The following ATP11A variants were observed in gnomAD, a reference collection of about 807,000 sequenced individuals.
ATP11A encodes the protein phospholipid-transporting ATPase IH.
In ATP11A, 81 loss-of-function variants were observed where a neutral mutation model predicts 154.4. The observed-to-expected ratio is 0.52, with a 90% CI of 0.44 to 0.63. The LOEUF (loss-of-function observed/expected upper bound fraction) is 0.63, where lower values mean the gene tolerates loss of function less well. Ranked by LOEUF, ATP11A falls within the 30% of genes least tolerant of loss-of-function variation. ATP11A has a pLI of 0.00. For missense variants in ATP11A, 1,316 were observed against 1,474.3 expected (o/e 0.89, Z 1.76); for synonymous variants, 623 against 585.9 (o/e 1.06, Z -0.91).
At position 112,821,418 on chromosome 13, in the gene ATP11A, A is replaced by G. The variant is rs1377376504; in HGVS notation, c.725+1468A>G. ...AGCCTCCACCTCCCGGGTTCAAGCA[A>G]TTCTCCTGCCTCAGCTTCCTGAGTA... On this transcript the variant is annotated intron_variant, in intron 8 of 29. Transcript: ENST00000375645. Among the ~76,000 whole-genome samples the G allele has an allele frequency of 2.6e-5, 4 of 152,110 alleles. No individual in the cohort carries two copies. In the East Asian group the frequency reaches 7.7e-4, roughly 29 times the overall value.
At chr13:112,805,182 T>A in intron 3 of ATP11A, 136 bp downstream of exon 3, 1 of 620,486 alleles carries the variant, frequency 1.6e-6, no homozygotes. Flanking sequence ...TTATTTATTT[T>A]CTTAAGGAAG....
At chr13:112,751,678 CA>C (rs897726447) in intron 1 of ATP11A, among the ~76,000 whole-genome samples, 32 of 144,510 alleles carry the variant, frequency 2.2e-4, no homozygotes, top group South Asian at 6.8e-4. Flanking sequence ...CAAAACAAAA[CA>C]AAAAAAAAAA....
chr13:112,848,847 C>T lies in ATP11A; in HGVS notation c.1810-2190C>T, dbSNP rs2079681735. ...GGATTATAGGCATGCACCACCACGC[C>T]TGGCTAATTTTTGTATTTTTAGTAG... On this transcript the variant is annotated intron_variant, in intron 17 of 29. Transcript: ENST00000375645. 2.0e-5 allele frequency among the ~76,000 whole-genome samples: 3 copies of T among 152,204 alleles called. No homozygotes were observed. In the South Asian group the frequency reaches 6.2e-4, roughly 31 times the overall value.
In ATP11A at chr13:112,785,396, C is replaced by G. The variant is rs927505867; in HGVS notation, c.162+139C>G. ...CACCAGCCACCCCCAGCAAGGGCTTCGGATCAGGACCTCACCGAGGGCGCT... is the reference window on the plus strand; with the variant it reads ...CACCAGCCACCCCCAGCAAGGGCTTGGGATCAGGACCTCACCGAGGGCGCT... On this transcript the variant is annotated intron_variant, in intron 2 of 29. Transcript: ENST00000375645. The surrounding 1 kb of genome is among the most constrained non-coding windows in gnomAD (Gnocchi z 4.8). 7 of 1,032,160 alleles carry G rather than the reference C, an allele frequency of 6.8e-6. No homozygotes were observed. The highest frequency in any genetic ancestry group is 9.0e-6 in the Non-Finnish European group (7 of 779,524). The allele number at this position is 1,032,160 out of a possible 1,614,324, so 63.9% of individuals were successfully genotyped here.
intron 1 of ATP11A, among the ~76,000 whole-genome samples, chr13:112,767,802 G>A (rs424600): frequency 0.45 from 67,802 of 151,970 alleles, 15,283 homozygotes; most frequent in Middle Eastern, 0.52. Flanking sequence ...GCGTGAGTGC[G>A]TCTGTGGTGG....
intron 17 of ATP11A, 88 bp downstream of exon 17, chr13:112,842,467 A>T: frequency 1.0e-6 from 1 of 999,040 alleles, no homozygotes; most frequent in Non-Finnish European, 1.5e-6. Flanking sequence ...CCTGGCTGGG[A>T]ATGGCGTATT....
rs560078988 is a variant in ATP11A at position 112,840,782 on chromosome 13, C to A, written c.1706-1494C>A. On this transcript the variant is annotated intron_variant, in intron 16 of 29. Coordinates refer to ENST00000375645, the MANE Select transcript of ATP11A (RefSeq NM_015205.3). Reference sequence around the variant, plus strand: ...CATCCAGGAAGGAAGGCAAGGCGGACCCCTGTTCCTACTCCTGAGTCCTCG... The same window carrying A: ...CATCCAGGAAGGAAGGCAAGGCGGAACCCTGTTCCTACTCCTGAGTCCTCG... Among the ~76,000 whole-genome samples, 191 of 152,124 alleles carry A rather than the reference C, an allele frequency of 1.3e-3. 1 individual carries two copies. Among genetic ancestry groups the A allele is most frequent in the African/African-American group, 4.0e-3 (167 of 41,518 alleles).
At chr13:112,798,100 G>A (rs1398685403) in intron 2 of ATP11A, among the ~76,000 whole-genome samples, 2 of 152,062 alleles carry the variant, frequency 1.3e-5, no homozygotes, top group Non-Finnish European at 2.9e-5. Flanking sequence ...TCCCTCTGCC[G>A]AGCCCTTTTA....
chr13:112,707,247 C>T (rs1243097885), intron 1 of ATP11A, among the ~76,000 whole-genome samples: 1 of 152,018 alleles, frequency 6.6e-6, no homozygotes, highest in Non-Finnish European at 1.5e-5. Flanking sequence ...GAAACCTTGT[C>T]TCTACCAAAA....
intron 1 of ATP11A, among the ~76,000 whole-genome samples, chr13:112,755,182 A>G (rs915558004): frequency 1.3e-5 from 2 of 152,208 alleles, no homozygotes; most frequent in East Asian, 1.9e-4. Context: ...TTAAGGACGT[A>G]AAAGCATTCT....
At chr13:112,706,669 A>C (rs528800563) in intron 1 of ATP11A, among the ~76,000 whole-genome samples, 5 of 152,242 alleles carry the variant, frequency 3.3e-5, no homozygotes, top group African/African-American at 1.2e-4. Context: ...GTGAAAAACA[A>C]TTCCTGTTAT....
At chr13:112,735,151 AC>A (rs1441562385) in intron 1 of ATP11A, among the ~76,000 whole-genome samples, 23 of 152,190 alleles carry the variant, frequency 1.5e-4, no homozygotes, top group Admixed American at 1.3e-3. Context: ...AATAAAAGGC[AC>A]TCCATAGATA....
At chr13:112,751,876 C>T (rs1333261387) in intron 1 of ATP11A, among the ~76,000 whole-genome samples, 3 of 152,118 alleles carry the variant, frequency 2.0e-5, no homozygotes, top group Non-Finnish European at 4.4e-5. Context: ...TGTGACTGGC[C>T]TCCCAGTTTT....
At chr13:112,851,421 A>G (rs1488768143) in intron 18 of ATP11A, 4 of 466,786 alleles carry the variant, frequency 8.6e-6, no homozygotes, top group Non-Finnish European at 3.8e-6. Flanking sequence ...TTTGTTGTCC[A>G]TGAAGAAGAT....
chr13:112,707,611 G>A (rs913232103), intron 1 of ATP11A, among the ~76,000 whole-genome samples: 2 of 152,062 alleles, frequency 1.3e-5, no homozygotes, highest in East Asian at 1.9e-4. Flanking sequence ...GGCATTTGAC[G>A]CAAATTAAAA....
intron 1 of ATP11A, among the ~76,000 whole-genome samples, chr13:112,747,810 G>A (rs550992688): frequency 3.9e-5 from 6 of 151,904 alleles, no homozygotes; most frequent in South Asian, 4.2e-4. Flanking sequence ...CACTCCATTC[G>A]GACGGACAGA....
intron 1 of ATP11A, among the ~76,000 whole-genome samples, chr13:112,717,969 C>T (rs1452729931): frequency 1.1e-4 from 16 of 152,258 alleles, no homozygotes; most frequent in African/African-American, 1.7e-4. Flanking sequence ...CCCAGCTACT[C>T]GGGAGCCGAG....
chr13:112,853,535 A>G (rs2079836685), intron 18 of ATP11A, among the ~76,000 whole-genome samples: 1 of 152,230 alleles, frequency 6.6e-6, no homozygotes, highest in Admixed American at 6.5e-5. Flanking sequence ...TGAGGCAGAC[A>G]TGGTTTGACC....
intron 17 of ATP11A, among the ~76,000 whole-genome samples, chr13:112,848,514 G>A (rs889599589): frequency 6.6e-6 from 1 of 152,086 alleles, no homozygotes; most frequent in African/African-American, 2.4e-5. Context: ...CCTTAGAAAG[G>A]CATCCTTTCT....
Sources: gnomAD v4.1 joint callset for allele counts (sites outside exome capture counted in the v4.1 genomes callset) on GRCh38, gnomAD v4.1.1 for gene constraint, Gnocchi (gnomAD v3.1) non-coding constraint, MANE v1.5 for transcripts, NCBI Gene and HGNC (gene_info 2026-07-23, HGNC 2026-07-21) for gene names.